Variants in LHX8 observed in about 807,000 individuals in gnomAD.
LHX8 encodes the protein LIM/homeobox protein Lhx8.
A neutral mutation model predicts 40.3 loss-of-function variants in LHX8; 12 were observed. The observed-to-expected ratio is 0.30, with a 90% CI of 0.19 to 0.48. The LOEUF (loss-of-function observed/expected upper bound fraction) is 0.48, where lower values mean the gene tolerates loss of function less well. Ranked by LOEUF, LHX8 falls within the 20% of genes least tolerant of loss-of-function variation. The pLI is 0.99. For missense variants in LHX8, 344 were observed against 433.7 expected, an observed-to-expected ratio of 0.79 and a Z score of 1.84; for synonymous variants, 179 against 162.0, an observed-to-expected ratio of 1.10 and a Z score of -0.80.
downstream of LHX8, among the ~76,000 whole-genome samples, chr1:75,165,219 C>G (rs568533592): frequency 1.3e-5 from 2 of 152,168 alleles, no homozygotes; most frequent in South Asian, 4.1e-4. Flanking sequence ...TTTTTAAATG[C>G]GTTTCTGTAT....
At chr1:75,179,438 G>A in the LHX8 span, among the ~76,000 whole-genome samples, 4 of 148,988 alleles carry the variant, frequency 2.7e-5, no homozygotes, top group African/African-American at 9.9e-5. Context: ...GGCCTTCCTT[G>A]TCTCTTTTGA....
rs1189170393 is a variant in LHX8 at position 75,136,647 on chromosome 1, G to C, written c.33G>C (p.Leu11=). ...AGGAGTGCGGGCGGACTACAGCCCT[G>C]GCGGCCGGGAGGACTCGCAAAGGCG... is the stretch of plus-strand genomic sequence containing the variant. MSEECGRTTA[L]AAGRTRKGAG... is the part of the protein sequence containing the mutation. Residue 11 remains leucine (L), a synonymous_variant, in exon 2 of 9, where the codon CTG becomes CTC. Transcript: ENST00000356261. 2 of 1,549,344 alleles carry C rather than the reference G, an allele frequency of 1.3e-6. No homozygotes were observed. The highest frequency in any genetic ancestry group is 1.2e-5 in the South Asian group (1 of 84,058).
In LHX8 at chr1:75,136,653, C is replaced by G; in HGVS notation, c.39C>G (p.Ala13=). ...GCGGGCGGACTACAGCCCTGGCGGC[C>G]GGGAGGACTCGCAAAGGCGCCGGGG... The part of the protein sequence containing the change: ...EECGRTTALA[A]GRTRKGAGEE... Residue 13 remains alanine, a synonymous_variant, in exon 2 of 9, where the codon GCC becomes GCG. Coordinates refer to ENST00000356261, the MANE Select transcript of LHX8 (RefSeq NM_001256114.2). 1 of 1,548,810 alleles carries G rather than the reference C, an allele frequency of 6.5e-7. No homozygotes were observed. The highest frequency in any genetic ancestry group is 8.7e-7 in the Non-Finnish European group (1 of 1,146,748).
chr1:75,137,286 G>A, intron 3 of LHX8, 25 bp downstream of exon 3: 2 of 1,609,932 alleles, frequency 1.2e-6, no homozygotes, highest in South Asian at 2.2e-5. Context: ...CGGGTGCGAG[G>A]CCCAAGGGGA....
chr1:75,150,967 G>A (rs1648591834), intron 7 of LHX8, among the ~76,000 whole-genome samples: 1 of 152,120 alleles, frequency 6.6e-6, no homozygotes, highest in Non-Finnish European at 1.5e-5. Context: ...GAGCCACCGT[G>A]CCTAGCCGGA....
Position 75,160,970 on chromosome 1 carries a change from T to C in LHX8, c.*75T>C. On this transcript the variant is annotated 3_prime_UTR_variant, in exon 9 of 9. Transcript: ENST00000356261. Reference sequence around the variant, plus strand: ...TATGTATAAAATACCATTGAAAAGATATTACTGTTAATTTTTTATTTAACA... The same window carrying C: ...TATGTATAAAATACCATTGAAAAGACATTACTGTTAATTTTTTATTTAACA... The C allele has an allele frequency of 9.0e-7, 1 of 1,117,112 alleles. No homozygotes were observed. The highest frequency in any genetic ancestry group is 1.4e-6 in the Non-Finnish European group (1 of 733,916). 69.2% of individuals were successfully genotyped at this position (1,117,112 alleles called of 1,614,324 possible).
downstream of LHX8, among the ~76,000 whole-genome samples, chr1:75,166,259 C>T (rs142893235): frequency 1.3e-3 from 198 of 152,316 alleles, no homozygotes; most frequent in African/African-American, 4.3e-3. Flanking sequence ...ACTCCAACCT[C>T]CCTACAAATG....
chr1:75,165,235 C>T (rs1649007380), downstream of LHX8, among the ~76,000 whole-genome samples: 1 of 152,146 alleles, frequency 6.6e-6, no homozygotes, highest in Non-Finnish European at 1.5e-5. Flanking sequence ...TGTATATCAT[C>T]ATGCTCTCAT....
chr1:75,131,015 T>TGGCGCTGG, upstream of LHX8: 1 of 486,892 alleles, frequency 2.1e-6, no homozygotes, highest in Admixed American at 3.2e-5. Context: ...ACTGTACCCT[T>TGGCGCTGG]GGCGCTGGAG....
At chr1:75,154,893 T>C (rs1648712588) in intron 7 of LHX8, among the ~76,000 whole-genome samples, 2 of 152,244 alleles carry the variant, frequency 1.3e-5, no homozygotes, top group Admixed American at 1.3e-4. Flanking sequence ...TTTTATTCTT[T>C]TAGTTTTAAT....
At chr1:75,197,339 T>C in the LHX8 span, among the ~76,000 whole-genome samples, 1 of 152,166 alleles carries the variant, frequency 6.6e-6, no homozygotes, top group Non-Finnish European at 1.5e-5. Context: ...ATCCTGATGC[T>C]CCAAGAAACT....
At chr1:75,129,432 G>T (rs1305361970), upstream of LHX8, among the ~76,000 whole-genome samples, 1 of 152,192 alleles carries the variant, frequency 6.6e-6, no homozygotes, top group Non-Finnish European at 1.5e-5. Context: ...CAAGATTCTT[G>T]GGCCAACTTT....
the LHX8 span, among the ~76,000 whole-genome samples, chr1:75,180,302 T>A: frequency 6.6e-6 from 1 of 152,236 alleles, no homozygotes; most frequent in African/African-American, 2.4e-5. Context: ...CTTGGTTCCA[T>A]TCTCCCCGTC....
chr1:75,196,189 G>T, the LHX8 span, among the ~76,000 whole-genome samples: 1 of 151,954 alleles, frequency 6.6e-6, no homozygotes, highest in Admixed American at 6.6e-5. Context: ...GCATCTGTTA[G>T]CATGCATTTG....
intron 7 of LHX8, among the ~76,000 whole-genome samples, chr1:75,150,947 T>C (rs1259532207): frequency 1.3e-5 from 2 of 152,104 alleles, no homozygotes; most frequent in African/African-American, 4.8e-5. Context: ...AGTGACGGGA[T>C]TACAGGGGTG....
the LHX8 span, among the ~76,000 whole-genome samples, chr1:75,191,790 G>A: frequency 3.3e-5 from 5 of 152,162 alleles, no homozygotes; most frequent in African/African-American, 9.7e-5. Context: ...GCCATCATTG[G>A]CCAGAAGCCA....
chr1:75,147,981 C>T (rs997228421), intron 6 of LHX8, among the ~76,000 whole-genome samples: 1 of 152,308 alleles, frequency 6.6e-6, no homozygotes, highest in East Asian at 1.9e-4. Context: ...AGGCTTACAT[C>T]AGAATCACCT....
chr1:75,130,950 C>T (rs1647944790), upstream of LHX8: 1 of 629,696 alleles, frequency 1.6e-6, no homozygotes, highest in Non-Finnish European at 2.9e-6. Flanking sequence ...TCCGCACCTT[C>T]TTATGATCGC....
intron 3 of LHX8, among the ~76,000 whole-genome samples, chr1:75,138,242 A>G (rs1648208648): frequency 6.6e-6 from 1 of 152,190 alleles, no homozygotes; most frequent in Admixed American, 6.5e-5. Flanking sequence ...ACACTGAATT[A>G]GTAGCAAACC....
Sources: gnomAD v4.1 joint callset for allele counts (sites outside exome capture counted in the v4.1 genomes callset) on GRCh38, gnomAD v4.1.1 for gene constraint, MANE v1.5 for transcripts, NCBI Gene and HGNC (gene_info 2026-07-23, HGNC 2026-07-21) for gene names.